The following NIPAL2 variants were observed in gnomAD, a reference collection of about 807,000 sequenced individuals.
The protein encoded by NIPAL2 is NIPA like domain containing 2.
A neutral mutation model predicts 48.9 loss-of-function variants in NIPAL2; 43 were observed. That is an observed-to-expected ratio of 0.88 (90% confidence interval 0.69 to 1.13). The LOEUF (loss-of-function observed/expected upper bound fraction) is 1.13, where lower values mean the gene tolerates loss of function less well. Ranked by LOEUF, NIPAL2 falls within the 50% of genes most tolerant of loss-of-function variation. The probability of loss-of-function intolerance (pLI) is 0.00; values close to 1 mark genes in which losing one functional copy is unlikely to be tolerated. For synonymous variants in NIPAL2, 167 were observed against 174.6 expected (o/e 0.96, Z 0.34); for missense variants, 446 against 461.4 (o/e 0.97, Z 0.31).
chr8:98,247,472 G>T (rs746518227), intron 3 of NIPAL2, among the ~76,000 whole-genome samples: 1 of 152,154 alleles, frequency 6.6e-6, no homozygotes, highest in East Asian at 1.9e-4. Flanking sequence ...GTGGTTGGGC[G>T]GGCTGTGTAA....
At chr8:98,283,579 A>T (rs949426817) in intron 1 of NIPAL2, among the ~76,000 whole-genome samples, 1 of 151,420 alleles carries the variant, frequency 6.6e-6, no homozygotes, top group Non-Finnish European at 1.5e-5. Context: ...AGTTTTAACA[A>T]CCCATAATCC....
intron 3 of NIPAL2, among the ~76,000 whole-genome samples, chr8:98,248,824 G>C (rs1813428514): frequency 1.3e-5 from 2 of 152,196 alleles, no homozygotes; most frequent in Non-Finnish European, 2.9e-5. Context: ...AAGACTTCCA[G>C]TGAGAAAAAT....
chr8:98,202,276 T>C (rs1810838326), intron 8 of NIPAL2, among the ~76,000 whole-genome samples: 1 of 152,222 alleles, frequency 6.6e-6, no homozygotes, highest in South Asian at 2.1e-4. Context: ...CTGATCGAGC[T>C]GGTGAGGGGC....
chr8:98,236,152 T>A lies in NIPAL2; in HGVS notation c.436+3A>T. 1 of 1,570,966 alleles carries A rather than the reference T, an allele frequency of 6.4e-7. No homozygotes were observed. The highest frequency in any genetic ancestry group is 8.7e-7 in the Non-Finnish European group (1 of 1,145,660). ...CAATTACATGAATTAAATAATTACT[T>A]ACCGAGTAAGTCTGAGGCTCTCAAA... is the stretch of plus-strand genomic sequence containing the variant. On this transcript the variant is annotated splice_donor_region_variant and intron_variant, in intron 4 of 10. Transcript: ENST00000430223.
At chr8:98,289,053 A>G (rs1816351053) in intron 1 of NIPAL2, among the ~76,000 whole-genome samples, 1 of 152,174 alleles carries the variant, frequency 6.6e-6, no homozygotes, top group Non-Finnish European at 1.5e-5. Context: ...TTTAATCTAT[A>G]GGTCATCCAA....
At chr8:98,193,310 C>G (rs1424165793) in intron 10 of NIPAL2, 1 of 1,532,434 alleles carries the variant, frequency 6.5e-7, no homozygotes, top group South Asian at 1.1e-5. Context: ...ACTATCCCCA[C>G]CCCACAGGAT....
chr8:98,202,623 T>G (rs1374952341), intron 8 of NIPAL2, among the ~76,000 whole-genome samples: 2 of 152,144 alleles, frequency 1.3e-5, no homozygotes, highest in African/African-American at 4.8e-5. Context: ...CTACCATGAG[T>G]AAAAGCTTCC....
intron 1 of NIPAL2, among the ~76,000 whole-genome samples, chr8:98,279,779 A>G (rs1245301329): frequency 6.6e-6 from 1 of 152,226 alleles, no homozygotes; most frequent in African/African-American, 2.4e-5. Context: ...GTTAGGAGGA[A>G]AGGTTGTTCC....
rs112195255 is a variant in NIPAL2, at chr8:98,222,545, T to C, written c.492A>G (p.Ile164Met). The stretch of plus-strand genomic sequence containing the variant: ...CTGTTCTTGCTGAGATTGCCTGAGT[T>C]ATATTTGGAGCAAAGTTCACCAGTA... ...TYLLVNFAPN[I>M]TQAISARTVQ... The change falls in exon 5 of 11, where the codon ATA becomes ATG. Residue 164 changes from isoleucine (I) to methionine (M), a missense_variant. Transcript: ENST00000430223. 17 of 1,614,088 alleles carry C rather than the reference T, an allele frequency of 1.1e-5. No homozygotes were observed. The African/African-American group carries it at 1.1e-4, about 10-fold the overall frequency.
intron 1 of NIPAL2, among the ~76,000 whole-genome samples, chr8:98,281,620 T>C (rs1384257300): frequency 6.6e-6 from 1 of 152,156 alleles, no homozygotes; most frequent in African/African-American, 2.4e-5. Flanking sequence ...GTGTACCTAA[T>C]AGGCACCCAC....
intron 1 of NIPAL2, among the ~76,000 whole-genome samples, chr8:98,270,660 T>C (rs1195187394): frequency 1.3e-5 from 2 of 152,188 alleles, no homozygotes; most frequent in Non-Finnish European, 2.9e-5. Flanking sequence ...TTTTTTATTC[T>C]GTTGATAGTC....
intron 1 of NIPAL2, among the ~76,000 whole-genome samples, chr8:98,261,755 T>C (rs892064584): frequency 2.0e-5 from 3 of 149,704 alleles, no homozygotes; most frequent in Admixed American, 6.7e-5. Context: ...AGGCCAACGT[T>C]CAGATTCAGG....
At chr8:98,238,582 G>GGATAA (rs1812834806) in intron 3 of NIPAL2, among the ~76,000 whole-genome samples, 1 of 151,358 alleles carries the variant, frequency 6.6e-6, no homozygotes, top group Non-Finnish European at 1.5e-5. Flanking sequence ...CCCTCATGCA[G>GGATAA]GATAAGATGA....
intron 2 of NIPAL2, 103 bp downstream of exon 2, chr8:98,253,916 A>G: frequency 3.1e-6 from 2 of 636,916 alleles, no homozygotes; most frequent in South Asian, 4.7e-5. Context: ...TATAATTTTT[A>G]TGGAGAAAAG....
At chr8:98,220,798 T>C (rs1811814390) in intron 5 of NIPAL2, among the ~76,000 whole-genome samples, 1 of 152,040 alleles carries the variant, frequency 6.6e-6, no homozygotes, top group African/African-American at 2.4e-5. Context: ...TCTTATTACA[T>C]ACCCTTCCTA....
intron 3 of NIPAL2, among the ~76,000 whole-genome samples, chr8:98,247,861 C>T (rs550663792): frequency 6.6e-6 from 1 of 152,284 alleles, no homozygotes; most frequent in African/African-American, 2.4e-5. Flanking sequence ...GAATATCTAA[C>T]CTATTTCTTT....
At chr8:98,226,328 G>C (rs564179004) in intron 4 of NIPAL2, among the ~76,000 whole-genome samples, 18 of 152,038 alleles carry the variant, frequency 1.2e-4, no homozygotes, top group Non-Finnish European at 2.2e-4. Flanking sequence ...TGTAGTCTTT[G>C]CAGTCAGGGC....
At chr8:98,212,237 C>G (rs1363530133) in intron 6 of NIPAL2, among the ~76,000 whole-genome samples, 168 bp downstream of exon 6, 2 of 152,104 alleles carry the variant, frequency 1.3e-5, no homozygotes, top group African/African-American at 2.4e-5. Flanking sequence ...CAGTAATGGA[C>G]AGGCAACATA....
At chr8:98,194,910 C>G in intron 9 of NIPAL2, 88 bp from the exon 10 acceptor site, 1 of 679,116 alleles carries the variant, frequency 1.5e-6, no homozygotes, top group East Asian at 3.2e-5. Flanking sequence ...TACATGATGA[C>G]ATAAATCCCA....
Sources: gnomAD v4.1 joint callset for allele counts (sites outside exome capture counted in the v4.1 genomes callset) on GRCh38, gnomAD v4.1.1 for gene constraint, MANE v1.5 for transcripts, NCBI Gene and HGNC (gene_info 2026-07-23, HGNC 2026-07-21) for gene names.